CUEDC1: variants seen among roughly 807,000 people sequenced by gnomAD.
The protein encoded by CUEDC1 is CUE domain containing 1, also known as CUE domain-containing protein 1.
In CUEDC1, 30 loss-of-function variants were observed where a neutral mutation model predicts 43.7. The ratio of observed to expected loss-of-function variants is 0.69; its 90% CI spans 0.51 to 0.93. The LOEUF (loss-of-function observed/expected upper bound fraction) is 0.93. CUEDC1 is among the 40% of genes least tolerant of loss of function. The pLI, the probability that CUEDC1 is intolerant of heterozygous loss-of-function variation, is 0.00. For synonymous variants in CUEDC1, 223 were observed against 223.6 expected (o/e 1.00, Z 0.02); for missense variants, 486 against 549.0 (o/e 0.89, Z 1.15).
chr17:57,944,930 A>T (rs2074947484), intron 1 of CUEDC1, among the ~76,000 whole-genome samples: 1 of 152,068 alleles, frequency 6.6e-6, no homozygotes, highest in Non-Finnish European at 1.5e-5. Context: ...CCTTAGGGAG[A>T]GGGTGTCGCC....
intron 1 of CUEDC1, among the ~76,000 whole-genome samples, chr17:57,888,196 C>G (rs2074318073): frequency 6.6e-6 from 1 of 152,172 alleles, no homozygotes; most frequent in Non-Finnish European, 1.5e-5. Context: ...AGCCACTGCG[C>G]CCGGCATTAT....
intron 1 of CUEDC1, among the ~76,000 whole-genome samples, chr17:57,914,364 AC>A (rs2074615873): frequency 6.6e-6 from 1 of 152,072 alleles, no homozygotes; most frequent in Non-Finnish European, 1.5e-5. Flanking sequence ...AAAGAGTTAA[AC>A]CTTGGGGGGT....
At chr17:57,919,808 T>C (rs1188665162) in intron 1 of CUEDC1, among the ~76,000 whole-genome samples, 1 of 152,098 alleles carries the variant, frequency 6.6e-6, no homozygotes, top group African/African-American at 2.4e-5. Context: ...ACAAGATATA[T>C]TCAAAATCCT....
chr17:57,867,888 A>C (rs1173165902), intron 8 of CUEDC1, among the ~76,000 whole-genome samples: 1 of 152,212 alleles, frequency 6.6e-6, no homozygotes, highest in African/African-American at 2.4e-5. Flanking sequence ...ACCAAAAAAA[A>C]AGTTAATAGG....
At chr17:57,942,899 G>T (rs577290647) in intron 1 of CUEDC1, among the ~76,000 whole-genome samples, 1 of 152,000 alleles carries the variant, frequency 6.6e-6, no homozygotes, top group Admixed American at 6.5e-5. Flanking sequence ...GTGGTGGCAG[G>T]TGCCTGTAGT....
intron 10 of CUEDC1, among the ~76,000 whole-genome samples, chr17:57,864,162 A>C (rs1290977480): frequency 6.6e-6 from 1 of 152,110 alleles, no homozygotes; most frequent in African/African-American, 2.4e-5. Flanking sequence ...AGCATCTATC[A>C]GGGTGGTAAT....
rs146163655 is a variant in CUEDC1 at position 57,886,137 on chromosome 17, C to A, written c.-315-258G>T. On this transcript the variant is annotated intron_variant, in intron 1 of 10. Coordinates refer to ENST00000577830, the MANE Select transcript of CUEDC1 (RefSeq NM_001271875.2). ...CCTAAGTGCTCTATGTGGGCCAACT[C>A]ATGACAATACTGTAAGGTATGTGCT... 2.6e-5 allele frequency among the ~76,000 whole-genome samples: 4 copies of A among 152,314 alleles called. No homozygotes were observed. The East Asian group carries it at 7.7e-4, about 29-fold the overall frequency.
intron 2 of CUEDC1, 76 bp from the exon 3 acceptor site, chr17:57,879,814 T>C: frequency 7.0e-7 from 1 of 1,435,718 alleles, no homozygotes; most frequent in Non-Finnish European, 9.5e-7. Flanking sequence ...CAAAATCAAG[T>C]GTGGGAGGGC....
chr17:57,875,937 C>T (rs1017031774), intron 3 of CUEDC1, among the ~76,000 whole-genome samples: 1 of 152,068 alleles, frequency 6.6e-6, no homozygotes, highest in East Asian at 1.9e-4. Flanking sequence ...CCAGGCAAAA[C>T]CTGGGCCCAG....
intron 1 of CUEDC1, among the ~76,000 whole-genome samples, chr17:57,891,359 T>C (rs978510406): frequency 6.6e-6 from 1 of 152,236 alleles, no homozygotes; most frequent in Non-Finnish European, 1.5e-5. Flanking sequence ...TCTTATACTC[T>C]ATGTCCAATC....
At chr17:57,920,136 CT>C (rs1387956740) in intron 1 of CUEDC1, among the ~76,000 whole-genome samples, 2 of 152,154 alleles carry the variant, frequency 1.3e-5, no homozygotes, top group Non-Finnish European at 2.9e-5. Flanking sequence ...CCCAGTAGGT[CT>C]TTTTGATTCC....
At chr17:57,882,084 G>T (rs988283063) in intron 2 of CUEDC1, among the ~76,000 whole-genome samples, 1 of 152,192 alleles carries the variant, frequency 6.6e-6, no homozygotes, top group Non-Finnish European at 1.5e-5. Context: ...CCTGCCAGGT[G>T]CTCCAGGGGG....
chr17:57,891,777 C>T (rs2074357463), intron 1 of CUEDC1, among the ~76,000 whole-genome samples: 1 of 152,230 alleles, frequency 6.6e-6, no homozygotes, highest in Non-Finnish European at 1.5e-5. Context: ...TCCCTTCCTT[C>T]TGGTCCCTAC....
intron 6 of CUEDC1, among the ~76,000 whole-genome samples, chr17:57,870,961 G>C (rs2074026662): frequency 6.6e-6 from 1 of 152,178 alleles, no homozygotes; most frequent in Admixed American, 6.5e-5. Flanking sequence ...GGGATTATAG[G>C]CGTGAGCCAC....
At chr17:57,940,847 C>T (rs2074910841) in intron 1 of CUEDC1, among the ~76,000 whole-genome samples, 1 of 152,118 alleles carries the variant, frequency 6.6e-6, no homozygotes, top group Non-Finnish European at 1.5e-5. Flanking sequence ...ACTCATAAGC[C>T]CCACTTGGGA....
intron 1 of CUEDC1, among the ~76,000 whole-genome samples, chr17:57,941,237 C>T (rs889513388): frequency 1.3e-5 from 2 of 152,250 alleles, no homozygotes; most frequent in African/African-American, 2.4e-5. Flanking sequence ...TTCATTTTAA[C>T]TGGAAAAGTC....
chr17:57,885,119 G>C, intron 2 of CUEDC1, 110 bp downstream of exon 2: 1 of 1,459,180 alleles, frequency 6.9e-7, no homozygotes. Flanking sequence ...GAGTAACCCA[G>C]GTCCTCTTAG....
chr17:57,882,997 C>A lies in CUEDC1; in HGVS notation c.336+2232G>T, dbSNP rs116623490. ...CAAGGGGAGGATTCACTGCCCCTAACCCCTGCATTGTTCAATGGTCAACTG... is the reference window on the plus strand; with the variant it reads ...CAAGGGGAGGATTCACTGCCCCTAAACCCTGCATTGTTCAATGGTCAACTG... On this transcript the variant is annotated intron_variant, in intron 2 of 10. Transcript: ENST00000577830. Among the ~76,000 whole-genome samples, 407 of 152,216 alleles carry A rather than the reference C, an allele frequency of 2.7e-3. 2 individuals carry two copies. The highest frequency in any genetic ancestry group is 8.3e-3 in the African/African-American group (345 of 41,514).
chr17:57,911,737 T>A (rs2074585407), intron 1 of CUEDC1, among the ~76,000 whole-genome samples: 1 of 152,092 alleles, frequency 6.6e-6, no homozygotes, highest in Admixed American at 6.5e-5. Context: ...GATCTCCTGA[T>A]CTCAAGTGAT....
Sources: gnomAD v4.1 joint callset for allele counts (sites outside exome capture counted in the v4.1 genomes callset) on GRCh38, gnomAD v4.1.1 for gene constraint, MANE v1.5 for transcripts, NCBI Gene and HGNC (gene_info 2026-07-23, HGNC 2026-07-21) for gene names.